The following TRAFD1 variants were observed in gnomAD, a reference collection of about 807,000 sequenced individuals.
TRAFD1 encodes TRAF-type zinc finger domain containing 1, also known as TRAF-type zinc finger domain-containing protein 1.
TRAFD1 carries 38 observed loss-of-function variants against 65.3 expected under a neutral mutation model. That is an observed-to-expected ratio of 0.58 (90% CI 0.45 to 0.76). TRAFD1 has a LOEUF of 0.76. Among genes scored for constraint, TRAFD1 ranks in the 30% least tolerant of loss-of-function variants. The pLI, the probability that TRAFD1 is intolerant of heterozygous loss-of-function variation, is 0.00. For missense variants in TRAFD1, 631 were observed against 712.6 expected, an observed-to-expected ratio of 0.89 and a Z score of 1.30; for synonymous variants, 223 against 257.2, an observed-to-expected ratio of 0.87 and a Z score of 1.27.
rs767312226 is a variant in TRAFD1, at chr12:112,141,157, T to A, written c.576T>A (p.Asp192Glu). The A allele has an allele frequency of 3.7e-6, 6 of 1,614,188 alleles. No individual in the cohort carries two copies. The highest frequency in any genetic ancestry group is 1.7e-5 in the Admixed American group (1 of 60,010). Residue 192 changes from aspartate to glutamate, a missense_variant, in exon 5 of 12, where the codon GAT becomes GAA. Transcript: ENST00000412615. ...GGCCCCTGAGAGCCTTTGAATCAGA[T>A]GTTTTCCACAATAGAACTACCAACC... ...PRRPLRAFES[D>E]VFHNRTTNQR...
At position 112,134,788 on chromosome 12, in the gene TRAFD1, A is replaced by G; in HGVS notation, c.98A>G (p.Gln33Arg). ...FNFTIHEIHCQRNIGMCPTCK... is the reference protein window; with the variant it reads ...FNFTIHEIHCRRNIGMCPTCK... ...TTTACCATCCATGAGATCCACTGTC[A>G]AAGGAACATTGGTATGTGTCCTACC... Residue 33 changes from glutamine (Q) to arginine (R), a missense_variant, in exon 3 of 12, where the codon CAA becomes CGA. Transcript: ENST00000412615. The G allele has an allele frequency of 1.9e-6, 3 of 1,613,716 alleles. No homozygotes were observed. Among genetic ancestry groups the G allele is most frequent in the Non-Finnish European group, 2.5e-6 (3 of 1,179,560 alleles).
At chr12:112,149,905 G>A (rs756911235) in intron 9 of TRAFD1, 34 bp downstream of exon 9, 3 of 1,612,430 alleles carry the variant, frequency 1.9e-6, no homozygotes, top group Middle Eastern at 1.7e-4. Context: ...CAAGGCCGCA[G>A]GTCTACTGCT....
chr12:112,139,517 G>A (rs1353767924), intron 4 of TRAFD1, among the ~76,000 whole-genome samples: 6 of 151,018 alleles, frequency 4.0e-5, no homozygotes, highest in South Asian at 2.1e-4. Flanking sequence ...TCCACCTCCC[G>A]GGTTCAAGCA....
At chr12:112,144,324 C>T (rs1304299611) in intron 6 of TRAFD1, among the ~76,000 whole-genome samples, 1 of 151,138 alleles carries the variant, frequency 6.6e-6, no homozygotes, top group Non-Finnish European at 1.5e-5. Flanking sequence ...GGCTGGAGTG[C>T]CATGGCGCGA....
chr12:112,149,961 G>A, intron 9 of TRAFD1, 90 bp downstream of exon 9: 1 of 1,532,332 alleles, frequency 6.5e-7, no homozygotes, highest in Non-Finnish European at 8.8e-7. Flanking sequence ...CTAATGTGGG[G>A]ATTACCTGCA....
In TRAFD1 at chr12:112,134,718, T is replaced by C; in HGVS notation, c.48-20T>C. ...GATTAGTCAGTAATGCTTGCCTTTTTCTTTGGTCTATTTCCGTAGCAAAAA... is the reference window on the plus strand; with the variant it reads ...GATTAGTCAGTAATGCTTGCCTTTTCCTTTGGTCTATTTCCGTAGCAAAAA... On this transcript the variant is annotated intron_variant, in intron 2 of 11. Transcript: ENST00000412615. 1 of 1,606,946 alleles carries C rather than the reference T, an allele frequency of 6.2e-7. No individual in the cohort carries two copies. The highest frequency in any genetic ancestry group is 8.5e-7 in the Non-Finnish European group (1 of 1,174,038).
chr12:112,141,360 C>T (rs2030084848), intron 5 of TRAFD1, 136 bp downstream of exon 5: 6 of 1,006,474 alleles, frequency 6.0e-6, no homozygotes, highest in Non-Finnish European at 8.6e-6. Context: ...GAATACCTCT[C>T]TTTCCTATAA....
In TRAFD1 at chr12:112,130,924, G is replaced by A. The variant is rs998901783; in HGVS notation, c.47+355G>A. ...TCACTGGGTACTTCTTTCACAATGT[G>A]CTATGTTTACCTTAGCAAACTGTGG... is the stretch of plus-strand genomic sequence containing the variant. On this transcript the variant is annotated intron_variant, in intron 2 of 11. Coordinates refer to ENST00000412615, the MANE Select transcript of TRAFD1 (RefSeq NM_006700.3). The surrounding 1 kb of genome is among the most constrained non-coding windows in gnomAD (Gnocchi z 4.4). 6.6e-6 allele frequency among the ~76,000 whole-genome samples: 1 copy of A among 152,178 alleles called. No homozygotes were observed. The highest frequency in any genetic ancestry group is 1.5e-5 in the Non-Finnish European group (1 of 68,030).
chr12:112,142,823 T>A (rs183236968), intron 6 of TRAFD1, among the ~76,000 whole-genome samples: 4 of 152,166 alleles, frequency 2.6e-5, no homozygotes, highest in African/African-American at 9.6e-5. Flanking sequence ...TCTCAAATAG[T>A]TCAGGGGAAA....
chr12:112,129,627 G>A (rs2136968069), intron 1 of TRAFD1, among the ~76,000 whole-genome samples: 1 of 152,028 alleles, frequency 6.6e-6, no homozygotes, highest in South Asian at 2.1e-4. Context: ...GTCTGTAAGG[G>A]ATGTTATTTT....
At chr12:112,150,255 T>A (rs2030363817) in intron 9 of TRAFD1, among the ~76,000 whole-genome samples, 1 of 152,138 alleles carries the variant, frequency 6.6e-6, no homozygotes, top group Non-Finnish European at 1.5e-5. Flanking sequence ...TATTATTATT[T>A]AATTTTTTTG....
intron 4 of TRAFD1, among the ~76,000 whole-genome samples, chr12:112,136,316 G>A (rs1339063872): frequency 6.8e-6 from 1 of 146,350 alleles, no homozygotes; most frequent in Admixed American, 6.9e-5. Flanking sequence ...TCTTGTTCCC[G>A]TCTTGCAGGC....
In TRAFD1 at chr12:112,146,377, G is replaced by A. The variant is rs1046900424; in HGVS notation, c.927+715G>A. 5.9e-5 allele frequency among the ~76,000 whole-genome samples: 9 copies of A among 151,932 alleles called. 1 individual carries two copies. The highest frequency in any genetic ancestry group is 1.3e-4 in the Non-Finnish European group (9 of 67,944). On this transcript the variant is annotated intron_variant, in intron 7 of 11. Coordinates refer to ENST00000412615, the MANE Select transcript of TRAFD1 (RefSeq NM_006700.3). The stretch of plus-strand genomic sequence containing the variant: ...CCCCAGCTCTACCAAAAAAAAAGGG[G>A]GGGGCAGGGAATGATGCTCATTTCA...
chr12:112,150,005 G>A (rs2136982230), intron 9 of TRAFD1, 134 bp downstream of exon 9: 1 of 1,280,522 alleles, frequency 7.8e-7, no homozygotes, highest in Non-Finnish European at 1.1e-6. Context: ...GGTCTCATAG[G>A]GGACTCCTCT....
rs755648306 is a variant in TRAFD1, at chr12:112,149,889, C to G, written c.1279+18C>G. ...ACACCAGGGTATTTATTAGCCAGGA[C>G]TCAGCCAAGGCCGCAGGTCTACTGC... On this transcript the variant is annotated intron_variant, in intron 9 of 11. Coordinates refer to ENST00000412615, the MANE Select transcript of TRAFD1 (RefSeq NM_006700.3). 4 of 1,613,728 alleles carry G rather than the reference C, an allele frequency of 2.5e-6. No individual in the cohort carries two copies. The highest frequency in any genetic ancestry group is 3.4e-6 in the Non-Finnish European group (4 of 1,179,724).
intron 9 of TRAFD1, among the ~76,000 whole-genome samples, chr12:112,150,816 G>T (rs1335170243): frequency 6.6e-6 from 1 of 152,012 alleles, no homozygotes; most frequent in African/African-American, 2.4e-5. Flanking sequence ...TCCCAGCTCG[G>T]CCTCCCAAAG....
At chr12:112,135,089 CG>C in intron 4 of TRAFD1, 23 bp downstream of exon 4, 1 of 1,614,018 alleles carries the variant, frequency 6.2e-7, no homozygotes, top group East Asian at 2.2e-5. Context: ...AGTGAGTTAC[CG>C]TGGGCCCAGT....
At chr12:112,142,406 CTTTT>C (rs1271242406) in intron 6 of TRAFD1, 111 bp downstream of exon 6, 10 of 1,296,684 alleles carry the variant, frequency 7.7e-6, no homozygotes, top group Non-Finnish European at 1.0e-5. Context: ...TTGCCTTACT[CTTTT>C]TTGTTTCTTT....
chr12:112,126,013 G>A (rs2079534780), intron 1 of TRAFD1: 1 of 152,326 alleles, frequency 6.6e-6, no homozygotes, highest in Non-Finnish European at 1.5e-5. Context: ...CGAAGCCGAA[G>A]GACCCGAGTC....
Sources: gnomAD v4.1 joint callset for allele counts (sites outside exome capture counted in the v4.1 genomes callset) on GRCh38, gnomAD v4.1.1 for gene constraint, Gnocchi (gnomAD v3.1) non-coding constraint, MANE v1.5 for transcripts, NCBI Gene and HGNC (gene_info 2026-07-23, HGNC 2026-07-21) for gene names.